The following MBD5 variants were observed in gnomAD, a reference collection of about 807,000 sequenced individuals.
MBD5 encodes methyl-CpG binding domain protein 5.
In MBD5, 13 loss-of-function variants were observed where a neutral mutation model predicts 117.3. That is an observed-to-expected ratio of 0.11 (90% confidence interval 0.07 to 0.18). The LOEUF is 0.18. Ranked by LOEUF, MBD5 falls within the 10% of genes least tolerant of loss-of-function variation. The probability of loss-of-function intolerance (pLI) is 1.00; values close to 1 mark genes in which losing one functional copy is unlikely to be tolerated. For missense variants in MBD5, 1,879 were observed against 2,093.8 expected (o/e 0.90, Z 2.00); for synonymous variants, 727 against 766.4 (o/e 0.95, Z 0.85).
intron 2 of MBD5, among the ~76,000 whole-genome samples, chr2:148,192,890 T>C (rs1698872691): frequency 2.0e-5 from 1 of 49,874 alleles, no homozygotes; most frequent in African/African-American, 7.8e-5. Context: ...CTCCTTAAGC[T>C]GATAAGCAAC....
intron 3 of MBD5, among the ~76,000 whole-genome samples, chr2:148,338,704 A>G (rs950930515): frequency 2.6e-5 from 4 of 152,214 alleles, no homozygotes; most frequent in African/African-American, 9.6e-5. Flanking sequence ...CAGTTTAGAG[A>G]TCTGAGTCAC....
intron 1 of MBD5, among the ~76,000 whole-genome samples, chr2:148,075,894 G>A (rs529307777): frequency 5.3e-5 from 8 of 152,014 alleles, no homozygotes; most frequent in Non-Finnish European, 1.0e-4. Flanking sequence ...TCCACAGCTT[G>A]GAATCGTATC....
intron 3 of MBD5, among the ~76,000 whole-genome samples, chr2:148,260,396 C>A (rs1258055054): frequency 1.3e-5 from 2 of 152,194 alleles, no homozygotes; most frequent in Non-Finnish European, 2.9e-5. Context: ...CATCTGCAGT[C>A]TCCACTTCTA....
intron 2 of MBD5, among the ~76,000 whole-genome samples, chr2:148,214,935 T>C (rs140815340): frequency 6.6e-6 from 1 of 152,336 alleles, no homozygotes; most frequent in African/African-American, 2.4e-5. Context: ...TAAGGTAACC[T>C]TAGCATTGCT....
At chr2:148,242,487 C>T (rs756951842) in intron 3 of MBD5, among the ~76,000 whole-genome samples, 29 of 152,048 alleles carry the variant, frequency 1.9e-4, no homozygotes, top group Non-Finnish European at 3.5e-4. Context: ...GTGTTCTGGG[C>T]TGTGTCCTTT....
At chr2:148,277,114 A>C (rs1701133657) in intron 3 of MBD5, among the ~76,000 whole-genome samples, 1 of 152,146 alleles carries the variant, frequency 6.6e-6, no homozygotes, top group Non-Finnish European at 1.5e-5. Context: ...AGTCCAGTTG[A>C]GAATGCAAAG....
chr2:148,454,918 G>A (rs1218893113), intron 4 of MBD5, among the ~76,000 whole-genome samples: 1 of 152,038 alleles, frequency 6.6e-6, no homozygotes, highest in African/African-American at 2.4e-5. Flanking sequence ...GATACAGATT[G>A]CATTGAATCT....
intron 3 of MBD5, among the ~76,000 whole-genome samples, chr2:148,250,297 A>G (rs987296219): frequency 5.3e-5 from 8 of 152,142 alleles, no homozygotes; most frequent in Admixed American, 2.0e-4. Context: ...AACAACATAC[A>G]CTGGGGCCTA....
At chr2:148,267,305 A>G (rs1015451899) in intron 3 of MBD5, among the ~76,000 whole-genome samples, 2 of 152,188 alleles carry the variant, frequency 1.3e-5, no homozygotes, top group East Asian at 1.9e-4. Flanking sequence ...GAAAGGATGA[A>G]TTGTTAATAG....
intron 1 of MBD5, among the ~76,000 whole-genome samples, chr2:148,166,879 A>ATT (rs569250084): frequency 6.7e-6 from 1 of 150,114 alleles, no homozygotes; most frequent in South Asian, 2.1e-4. Context: ...TACTAATTGC[A>ATT]TTTTTTTTTG....
At chr2:148,196,971 T>C (rs892213533) in intron 2 of MBD5, among the ~76,000 whole-genome samples, 14 of 152,156 alleles carry the variant, frequency 9.2e-5, no homozygotes, top group African/African-American at 3.4e-4. Context: ...AACAAAAGTA[T>C]GGCAACTTAT....
chr2:148,389,105 A>G (rs1223096758), intron 4 of MBD5, among the ~76,000 whole-genome samples: 2 of 150,362 alleles, frequency 1.3e-5, no homozygotes, highest in Non-Finnish European at 3.0e-5. Flanking sequence ...GTTACTTCAC[A>G]TAGGATAATG....
chr2:148,315,269 C>T (rs1053120519), intron 3 of MBD5, among the ~76,000 whole-genome samples: 1 of 152,140 alleles, frequency 6.6e-6, no homozygotes, highest in Admixed American at 6.5e-5. Flanking sequence ...TCCCACATAT[C>T]CACTGCCAGA....
intron 3 of MBD5, among the ~76,000 whole-genome samples, chr2:148,337,610 C>T (rs984035805): frequency 6.6e-6 from 1 of 152,000 alleles, no homozygotes; most frequent in Non-Finnish European, 1.5e-5. Flanking sequence ...GGCTGAGGGA[C>T]AAGACTGAGA....
chr2:148,078,882 T>C (rs1273158054), intron 1 of MBD5, among the ~76,000 whole-genome samples: 4 of 152,306 alleles, frequency 2.6e-5, no homozygotes, highest in East Asian at 3.9e-4. Flanking sequence ...AAATTTAATA[T>C]TGTAAAAGAA....
At chr2:148,363,918 C>T (rs1034738628) in intron 4 of MBD5, among the ~76,000 whole-genome samples, 1 of 152,176 alleles carries the variant, frequency 6.6e-6, no homozygotes, top group Non-Finnish European at 1.5e-5. Flanking sequence ...TTGGAAAACA[C>T]TCTTCAGGAT....
In MBD5 at chr2:148,021,611, T is replaced by A; in HGVS notation, c.-998T>A. 4 of 459,192 alleles carry A rather than the reference T, an allele frequency of 8.7e-6. No homozygotes were observed. Among genetic ancestry groups the A allele is most frequent in the Non-Finnish European group, 1.7e-5 (4 of 233,030 alleles). The allele number at this position is 459,192 out of a possible 1,614,324, so 28.4% of individuals were successfully genotyped here. A position where few individuals can be genotyped will look rare whatever the true frequency, so the allele number is the denominator to read the frequency against. ...CCTCCTTCGCCTCCTCCTCCTCCAC[T>A]CCCCCCCTTTATTACCCTTTGTGTC... is the stretch of plus-strand genomic sequence containing the variant. On this transcript the variant is annotated 5_prime_UTR_variant, in exon 1 of 14. Transcript: ENST00000642680.
At position 148,468,955 on chromosome 2, in the gene MBD5, C is replaced by T. The variant is rs755505551; in HGVS notation, c.1012C>T (p.Pro338Ser). ...FHHKPPQGPP[P>S]PPPPSCALQK... is the part of the protein sequence containing the mutation. The stretch of plus-strand genomic sequence containing the variant: ...CCACAAACCACCCCAAGGCCCACCT[C>T]CCCCTCCTCCACCTTCTTGTGCTCT... Residue 338 changes from proline to serine, a missense_variant, in exon 8 of 14, where the codon CCC becomes TCC. Coordinates refer to ENST00000642680, the MANE Select transcript of MBD5 (RefSeq NM_001378120.1). 2 of 1,613,486 alleles carry T rather than the reference C, an allele frequency of 1.2e-6. No homozygotes were observed. The highest frequency in any genetic ancestry group is 2.7e-5 in the African/African-American group (2 of 74,822).
At chr2:148,388,947 G>A (rs1704463624) in intron 4 of MBD5, among the ~76,000 whole-genome samples, 1 of 151,766 alleles carries the variant, frequency 6.6e-6, no homozygotes, top group Non-Finnish European at 1.5e-5. Flanking sequence ...AGTGAACATA[G>A]TACCCAATAG....
Sources: gnomAD v4.1 joint callset for allele counts (sites outside exome capture counted in the v4.1 genomes callset) on GRCh38, gnomAD v4.1.1 for gene constraint, MANE v1.5 for transcripts, NCBI Gene and HGNC (gene_info 2026-07-23, HGNC 2026-07-21) for gene names.